Variants in SIDT1 observed in about 807,000 individuals in gnomAD.
SIDT1 encodes the protein SID1 transmembrane family member 1.
A neutral mutation model predicts 107.5 loss-of-function variants in SIDT1; 101 were observed. The observed-to-expected ratio is 0.94, with a 90% CI of 0.80 to 1.11. The LOEUF is 1.11. Among genes scored for constraint, SIDT1 ranks in the 50% least tolerant of loss-of-function variants. SIDT1 has a pLI of 0.00. For missense variants in SIDT1, 1,076 were observed against 1,058.2 expected (o/e 1.02, Z -0.23); for synonymous variants, 395 against 398.2 (o/e 0.99, Z 0.10).
At chr3:113,546,300 A>G (rs973095407) in intron 1 of SIDT1, among the ~76,000 whole-genome samples, 1 of 152,218 alleles carries the variant, frequency 6.6e-6, no homozygotes, top group Non-Finnish European at 1.5e-5. Flanking sequence ...GCTTCTTGCC[A>G]AAAAGAACAT....
chr3:113,567,758 G>A, intron 3 of SIDT1, 48 bp downstream of exon 3: 4 of 1,569,876 alleles, frequency 2.5e-6, no homozygotes, highest in Non-Finnish European at 3.5e-6. Context: ...CTGTGCTTGT[G>A]GATGCTCAAT....
downstream of SIDT1, chr3:113,632,745 G>A (rs1192694836): frequency 1.3e-5 from 2 of 152,326 alleles, no homozygotes; most frequent in Non-Finnish European, 2.9e-5. Flanking sequence ...AGCTACTTGG[G>A]AGGCTGAGGC....
In SIDT1 at chr3:113,603,051, T is replaced by C. The variant is rs1945071518; in HGVS notation, c.1164T>C (p.Gly388=). The change falls in exon 12 of 25, where the codon GGT becomes GGC. Residue 388 remains glycine, a synonymous_variant. Transcript: ENST00000264852. ...GAAGGCAGATGTCCTCCTCCGATGG[T>C]GGGCCACCGGGCCAGTCAGACACAG... The part of the protein sequence containing the change: ...SPGRQMSSSD[G]GPPGQSDTDS... 1 of 1,614,058 alleles carries C rather than the reference T, an allele frequency of 6.2e-7. No individual in the cohort carries two copies. Among genetic ancestry groups the C allele is most frequent in the Non-Finnish European group, 8.5e-7 (1 of 1,179,980 alleles).
chr3:113,542,191 G>T (rs1938988553), intron 1 of SIDT1, among the ~76,000 whole-genome samples: 1 of 152,054 alleles, frequency 6.6e-6, no homozygotes, highest in Non-Finnish European at 1.5e-5. Context: ...CCACAGTCTT[G>T]GGATTACAGG....
chr3:113,610,840 A>T (rs1945682984), intron 17 of SIDT1, among the ~76,000 whole-genome samples, 168 bp from the exon 18 acceptor site: 1 of 152,088 alleles, frequency 6.6e-6, no homozygotes, highest in African/African-American at 2.4e-5. Context: ...TCTCCTAGAG[A>T]ATGTGCCAAG....
chr3:113,636,804 AG>A, the SIDT1 span, among the ~76,000 whole-genome samples: 2 of 152,224 alleles, frequency 1.3e-5, no homozygotes, highest in Non-Finnish European at 2.9e-5. Context: ...CGGGCAAAGG[AG>A]CTGTTGACCC....
chr3:113,629,136 T>A lies in SIDT1; in HGVS notation c.*1428T>A, dbSNP rs935048670. On this transcript the variant is annotated 3_prime_UTR_variant, in exon 25 of 25. Transcript: ENST00000264852. ...TAGAGAAATGGATCAGGCATTTTTT[T>A]AAATTATTATTCTTTCTCTAAACTA... 1 of 152,234 alleles carries A rather than the reference T, an allele frequency of 6.6e-6. No individual in the cohort carries two copies. Among genetic ancestry groups the A allele is most frequent in the East Asian group, 1.9e-4 (1 of 5,208 alleles). 9.4% of individuals were successfully genotyped at this position (152,234 alleles called of 1,614,324 possible). A position where few individuals can be genotyped will look rare whatever the true frequency, so the allele number is the denominator to read the frequency against.
intron 5 of SIDT1, 89 bp downstream of exon 5, chr3:113,580,798 T>C (rs1306108172): frequency 2.4e-6 from 2 of 832,842 alleles, no homozygotes; most frequent in Non-Finnish European, 4.1e-6. Flanking sequence ...CATGCCATCC[T>C]CTTACTGTGT....
At chr3:113,620,231 CCT>C (rs1305182173) in intron 21 of SIDT1, among the ~76,000 whole-genome samples, 4 of 119,084 alleles carry the variant, frequency 3.4e-5, no homozygotes, top group Admixed American at 1.6e-4. Context: ...TGTGCAAGTC[CCT>C]CTTTTATTTC....
At chr3:113,613,330 C>A (rs556366739) in intron 19 of SIDT1, among the ~76,000 whole-genome samples, 1 of 152,196 alleles carries the variant, frequency 6.6e-6, no homozygotes, top group African/African-American at 2.4e-5. Context: ...ACACTTCTGG[C>A]TCCCTGGAAT....
intron 21 of SIDT1, among the ~76,000 whole-genome samples, chr3:113,622,192 C>T (rs911165859): frequency 2.0e-5 from 3 of 151,938 alleles, no homozygotes; most frequent in African/African-American, 7.3e-5. Flanking sequence ...AGGCCGGGCG[C>T]GGTGGCTCAC....
At chr3:113,573,146 C>T (rs1244242622) in intron 3 of SIDT1, among the ~76,000 whole-genome samples, 1 of 152,112 alleles carries the variant, frequency 6.6e-6, no homozygotes, top group Non-Finnish European at 1.5e-5. Context: ...CAACATGACT[C>T]CTACAGTGAT....
At chr3:113,622,802 G>A (rs1217774367) in intron 21 of SIDT1, among the ~76,000 whole-genome samples, 1 of 152,138 alleles carries the variant, frequency 6.6e-6, no homozygotes, top group Non-Finnish European at 1.5e-5. Context: ...TCAACAAAAG[G>A]GGAAAGATGA....
intron 1 of SIDT1, among the ~76,000 whole-genome samples, chr3:113,552,644 C>T (rs1361078355): frequency 6.6e-6 from 1 of 152,178 alleles, no homozygotes; most frequent in Non-Finnish European, 1.5e-5. Context: ...TCTTCCCCCA[C>T]ACCACTGCCT....
chr3:113,581,585 A>T (rs916053991), intron 6 of SIDT1, 141 bp downstream of exon 6: 5 of 696,310 alleles, frequency 7.2e-6, no homozygotes, highest in Admixed American at 2.3e-5. Flanking sequence ...AAAAACTAAT[A>T]TGTCTGGCCA....
chr3:113,551,071 A>G (rs1278518370), intron 1 of SIDT1, among the ~76,000 whole-genome samples: 1 of 152,190 alleles, frequency 6.6e-6, no homozygotes, highest in Non-Finnish European at 1.5e-5. Context: ...AGCTCCATCC[A>G]TGTCCCTGCA....
At chr3:113,583,954 C>A (rs1403799143) in intron 7 of SIDT1, among the ~76,000 whole-genome samples, 1 of 152,062 alleles carries the variant, frequency 6.6e-6, no homozygotes, top group South Asian at 2.1e-4. Flanking sequence ...CAAAATTATA[C>A]CTTGAAAAAT....
chr3:113,555,487 A>T (rs6808951), intron 1 of SIDT1, among the ~76,000 whole-genome samples: 22,519 of 152,170 alleles, frequency 0.15, 1,768 homozygotes, highest in Non-Finnish European at 0.18. Flanking sequence ...CTGACTGTGC[A>T]TTTTTCTGTA....
chr3:113,583,433 T>G lies in SIDT1; in HGVS notation c.772T>G (p.Phe258Val). The change falls in exon 7 of 25, where the codon TTC becomes GTC. Residue 258 changes from phenylalanine (F) to valine (V), a missense_variant. Coordinates refer to ENST00000264852, the MANE Select transcript of SIDT1 (RefSeq NM_017699.3). ...LQKKDFPGEQFFVVFVIKPED... is the reference protein window; with the variant it reads ...LQKKDFPGEQVFVVFVIKPED... The stretch of plus-strand genomic sequence containing the variant: ...GAAGAAGGATTTTCCAGGCGAGCAG[T>G]TCTTCGTGGTATTTGTGATAAAGCC... 1 of 1,599,820 alleles carries G rather than the reference T, an allele frequency of 6.3e-7. No homozygotes were observed. Among genetic ancestry groups the G allele is most frequent in the South Asian group, 1.1e-5 (1 of 88,990 alleles).
Sources: allele counts gnomAD v4.1 joint callset (sites outside exome capture counted in the v4.1 genomes callset), GRCh38; gene constraint gnomAD v4.1.1; transcripts MANE v1.5; gene names NCBI Gene and HGNC (gene_info 2026-07-23, HGNC 2026-07-21).